Variants in KCNH5 observed in about 807,000 individuals in gnomAD.
KCNH5 encodes voltage-gated delayed rectifier potassium channel KCNH5.
In KCNH5, 46 loss-of-function variants were observed where a neutral mutation model predicts 96.1. The observed-to-expected ratio is 0.48, with a 90% CI of 0.38 to 0.61. The LOEUF is 0.61. KCNH5 is among the 20% of genes least tolerant of loss of function. The pLI, the probability that KCNH5 is intolerant of heterozygous loss-of-function variation, is 0.00. For missense variants in KCNH5, 907 were observed against 1,225.8 expected (o/e 0.74, Z 3.88); for synonymous variants, 439 against 449.8 (o/e 0.98, Z 0.30).
chr14:62,804,202 T>C (rs1886720357), intron 8 of KCNH5, among the ~76,000 whole-genome samples: 1 of 152,180 alleles, frequency 6.6e-6, no homozygotes, highest in South Asian at 2.1e-4. Flanking sequence ...CTGGGTTTTT[T>C]TCATACTCCC....
At position 62,700,680 on chromosome 14, in the gene KCNH5, T is replaced by G. The variant is rs1884333717; in HGVS notation, c.*6828A>C. On this transcript the variant is annotated 3_prime_UTR_variant, in exon 11 of 11. Coordinates refer to ENST00000322893, the MANE Select transcript of KCNH5 (RefSeq NM_139318.5). ...CTTAGGACTATCAAACACTGTAACA[T>G]GGAATTATAAATGAATCTTTGTTGT... 1 of 152,186 alleles carries G rather than the reference T, an allele frequency of 6.6e-6. No homozygotes were observed. The allele number at this position is 152,186 out of a possible 1,614,324, so 9.4% of individuals were successfully genotyped here. A position where few individuals can be genotyped will look rare whatever the true frequency, so the allele number is the denominator to read the frequency against.
chr14:62,902,991 T>A (rs1264647732), intron 7 of KCNH5, among the ~76,000 whole-genome samples: 1 of 152,200 alleles, frequency 6.6e-6, no homozygotes, highest in Non-Finnish European at 1.5e-5. Flanking sequence ...GTGCTGGGAT[T>A]ACAGGCATGA....
chr14:62,795,562 G>A (rs540599843), intron 9 of KCNH5, among the ~76,000 whole-genome samples: 262 of 152,194 alleles, frequency 1.7e-3, no homozygotes, highest in East Asian at 4.1e-3. Flanking sequence ...ACCATTTTAC[G>A]TAAGGGACTT....
chr14:62,914,599 ACATGTATACAAAGCATAT>A (rs1305176627), intron 7 of KCNH5, among the ~76,000 whole-genome samples: 1 of 152,188 alleles, frequency 6.6e-6, no homozygotes, highest in Non-Finnish European at 1.5e-5. Context: ...CATATATTTT[ACATGTATACAAAGCATAT>A]TACATGTATG....
chr14:62,810,225 T>C lies in KCNH5; in HGVS notation c.1570-7644A>G, dbSNP rs554540456. On this transcript the variant is annotated intron_variant, in intron 8 of 10. Coordinates refer to ENST00000322893, the MANE Select transcript of KCNH5 (RefSeq NM_139318.5). ...TGGCCCTCGCCATACTGATGTTTTC[T>C]GACTAAGCTCCTCTTTACCTGAACA... is the stretch of plus-strand genomic sequence containing the variant. 2.6e-4 allele frequency among the ~76,000 whole-genome samples: 40 copies of C among 152,244 alleles called. No homozygotes were observed. In the South Asian group the frequency reaches 6.2e-3, roughly 24 times the overall value.
At chr14:63,020,124 T>C (rs182629866) in intron 1 of KCNH5, among the ~76,000 whole-genome samples, 42 of 152,232 alleles carry the variant, frequency 2.8e-4, no homozygotes, top group African/African-American at 9.4e-4. Context: ...CACAACGATA[T>C]ACTGCTGCTC....
chr14:62,718,308 A>G (rs1884729827), intron 10 of KCNH5, among the ~76,000 whole-genome samples: 2 of 152,108 alleles, frequency 1.3e-5, no homozygotes, highest in Non-Finnish European at 2.9e-5. Context: ...TAATAATAAT[A>G]TATCTGATAT....
intron 9 of KCNH5, among the ~76,000 whole-genome samples, chr14:62,799,712 TATATATATATATATACAC>T (rs1330467137): frequency 9.1e-6 from 1 of 109,840 alleles, no homozygotes; most frequent in African/African-American, 3.2e-5. Flanking sequence ...TATATATATA[TATATATATATATATACAC>T]ACACACACAC....
At chr14:62,845,875 C>A (rs190313167) in intron 8 of KCNH5, among the ~76,000 whole-genome samples, 19 of 152,210 alleles carry the variant, frequency 1.2e-4, no homozygotes, top group Admixed American at 8.5e-4. Context: ...AGTATGAACA[C>A]TGGGTGGTGT....
intron 7 of KCNH5, among the ~76,000 whole-genome samples, chr14:62,868,415 G>A (rs566936431): frequency 5.0e-4 from 76 of 152,304 alleles, no homozygotes; most frequent in Middle Eastern, 3.4e-3. Context: ...TTAGGTTGGT[G>A]CAAAAGTAAT....
chr14:62,772,904 C>T (rs188748306), intron 10 of KCNH5, among the ~76,000 whole-genome samples: 32 of 152,104 alleles, frequency 2.1e-4, no homozygotes, highest in Non-Finnish European at 3.8e-4. Flanking sequence ...TGGTTCATGC[C>T]CAGATTGAGA....
intron 2 of KCNH5, among the ~76,000 whole-genome samples, chr14:63,008,126 A>C (rs28490569): frequency 6.5e-4 from 99 of 152,076 alleles, no homozygotes; most frequent in Admixed American, 1.7e-3. Flanking sequence ...AAAGATCAAA[A>C]GTCTGTCTTT....
At chr14:62,833,045 C>T (rs767019663) in intron 8 of KCNH5, among the ~76,000 whole-genome samples, 3 of 151,988 alleles carry the variant, frequency 2.0e-5, no homozygotes, top group Non-Finnish European at 4.4e-5. Context: ...ATAGTTTATA[C>T]ATATTTTTTC....
At chr14:62,812,992 A>T (rs1324406986) in intron 8 of KCNH5, among the ~76,000 whole-genome samples, 1 of 152,166 alleles carries the variant, frequency 6.6e-6, no homozygotes. Flanking sequence ...ATTGGATATC[A>T]AGATTTCCAG....
chr14:62,725,126 A>C (rs1181512331), intron 10 of KCNH5, among the ~76,000 whole-genome samples: 2 of 152,220 alleles, frequency 1.3e-5, no homozygotes, highest in African/African-American at 2.4e-5. Context: ...ACGTTTAAAA[A>C]ACACATATGT....
In KCNH5 at chr14:62,708,296, C is replaced by T. The variant is rs1191530986; in HGVS notation, c.2179G>A (p.Gly727Ser). ...KELRNQGSTQ[G>S]DPERNQLQVE... is the part of the protein sequence containing the mutation. Reference sequence around the variant, plus strand: ...TGGAGTTGGTTCCTCTCAGGGTCACCCTGTGTTGAGCCCTGATTCCGCAGC... The same window carrying T: ...TGGAGTTGGTTCCTCTCAGGGTCACTCTGTGTTGAGCCCTGATTCCGCAGC... The change falls in exon 11 of 11, where the codon GGT becomes AGT. Residue 727 changes from glycine to serine, a missense_variant. Physicochemically the swap from Gly to Ser is moderately conservative, Grantham distance 56. Around this residue, in one of 6 missense-constraint regions of KCNH5, gnomAD observed 362 missense variants for 394.4 expected, o/e 0.92. Coordinates refer to ENST00000322893, the MANE Select transcript of KCNH5 (RefSeq NM_139318.5). 5.0e-6 allele frequency: 8 copies of T among 1,614,052 alleles called. No individual in the cohort carries two copies. Among genetic ancestry groups the T allele is most frequent in the Non-Finnish European group, 6.8e-6 (8 of 1,180,044 alleles).
intron 7 of KCNH5, among the ~76,000 whole-genome samples, chr14:62,897,499 GC>G (rs2140090135): frequency 6.6e-6 from 1 of 152,188 alleles, no homozygotes; most frequent in African/African-American, 2.4e-5. Flanking sequence ...GAAGAAAGAA[GC>G]TTTTTACCTG....
chr14:62,772,793 A>G (rs758739494), intron 10 of KCNH5, among the ~76,000 whole-genome samples: 6 of 152,180 alleles, frequency 3.9e-5, no homozygotes, highest in Non-Finnish European at 7.4e-5. Flanking sequence ...AAATTCAGTA[A>G]CACTTCTTAA....
chr14:62,961,797 T>C (rs778509772), intron 6 of KCNH5, among the ~76,000 whole-genome samples: 18 of 151,658 alleles, frequency 1.2e-4, no homozygotes, highest in Non-Finnish European at 2.2e-4. Context: ...GAGATGCAGA[T>C]GCAGATGGAG....
Sources: gnomAD v4.1 joint callset for allele counts (sites outside exome capture counted in the v4.1 genomes callset) on GRCh38, gnomAD v4.1.1 for gene constraint, gnomAD v4.1.1 regional missense constraint, MANE v1.5 for transcripts, NCBI Gene and HGNC (gene_info 2026-07-23, HGNC 2026-07-21) for gene names.